PCDH11X: variants seen among roughly 807,000 people sequenced by gnomAD.
The protein encoded by PCDH11X is protocadherin 11 X-linked, also known as protocadherin-11 X-linked.
PCDH11X carries 18 observed loss-of-function variants against 53.3 expected under a neutral mutation model. The observed-to-expected ratio is 0.34, with a 90% CI of 0.23 to 0.50. The LOEUF (loss-of-function observed/expected upper bound fraction) is 0.50, where lower values mean the gene tolerates loss of function less well. PCDH11X is among the 20% of genes least tolerant of loss of function. The pLI is 0.98. For missense variants in PCDH11X, 570 were observed against 1,032.4 expected (o/e 0.55, Z 6.14); for synonymous variants, 279 against 393.3 (o/e 0.71, Z 3.44).
intron 6 of PCDH11X, among the ~76,000 whole-genome samples, chrX:91,937,965 T>C (rs1463195857): frequency 9.0e-6 from 1 of 111,413 alleles, no homozygotes; most frequent in Non-Finnish European, 1.9e-5. Flanking sequence ...ATTGAGAAAA[T>C]TATCACTAGA....
At chrX:92,278,806 G>GTTTTTTT (rs35000823) in intron 8 of PCDH11X, among the ~76,000 whole-genome samples, 1 of 47,396 alleles carries the variant, frequency 2.1e-5, no homozygotes, top group African/African-American at 9.3e-5. Flanking sequence ...TCTCTTTTCA[G>GTTTTTTT]TTTTTTTTTT....
At chrX:92,045,960 C>T (rs1183991280) in intron 6 of PCDH11X, among the ~76,000 whole-genome samples, 1 of 108,285 alleles carries the variant, frequency 9.2e-6, no homozygotes, top group Admixed American at 1.0e-4. Flanking sequence ...AGGAACAACA[C>T]TTTCAGAAGT....
intron 8 of PCDH11X, among the ~76,000 whole-genome samples, chrX:92,308,838 G>A (rs1414261333): frequency 1.8e-5 from 2 of 110,508 alleles, no homozygotes; most frequent in African/African-American, 6.6e-5. Context: ...ACTTGAATAA[G>A]TTCTCCAAAG....
At chrX:91,787,477 T>C (rs1935371116) in intron 1 of PCDH11X, among the ~76,000 whole-genome samples, 1 of 110,611 alleles carries the variant, frequency 9.0e-6, no homozygotes, top group Admixed American at 9.7e-5. Flanking sequence ...ACAAGGTCTT[T>C]TATGATTTAT....
intron 6 of PCDH11X, among the ~76,000 whole-genome samples, chrX:92,106,402 TTCTG>T (rs2064385148): frequency 8.9e-6 from 1 of 111,746 alleles, no homozygotes; most frequent in African/African-American, 3.3e-5. Context: ...TCATTGTTGT[TTCTG>T]TATGTTCTTG....
chrX:91,967,588 CA>C (rs895844465), intron 6 of PCDH11X, among the ~76,000 whole-genome samples: 2 of 109,103 alleles, frequency 1.8e-5, no homozygotes, highest in Admixed American at 2.0e-4. Flanking sequence ...TCCCTGGTGC[CA>C]AAAAGGTTGG....
intron 6 of PCDH11X, among the ~76,000 whole-genome samples, chrX:92,033,140 T>C (rs1215441206): frequency 9.0e-6 from 1 of 110,883 alleles, no homozygotes; most frequent in Non-Finnish European, 1.9e-5. Context: ...TGGATTAAGT[T>C]TGCTAGTATT....
chrX:92,329,605 G>T (rs977270807), intron 8 of PCDH11X, among the ~76,000 whole-genome samples: 8 of 111,699 alleles, frequency 7.2e-5, no homozygotes, highest in African/African-American at 2.6e-4. Context: ...AAGGGATGAA[G>T]AAAATGTGGC....
At chrX:91,938,194 C>G (rs942664423) in intron 6 of PCDH11X, among the ~76,000 whole-genome samples, 2 of 111,434 alleles carry the variant, frequency 1.8e-5, no homozygotes, top group African/African-American at 6.5e-5. Context: ...ACCAGATACA[C>G]CCTCAGAAGC....
At chrX:91,952,032 C>T (rs1047310182) in intron 6 of PCDH11X, among the ~76,000 whole-genome samples, 6 of 109,944 alleles carry the variant, frequency 5.5e-5, no homozygotes, top group African/African-American at 2.0e-4. Context: ...GAGCTGGATG[C>T]CAGAAAGAAA....
intron 8 of PCDH11X, among the ~76,000 whole-genome samples, chrX:92,331,573 T>G (rs2069491456): frequency 9.1e-6 from 1 of 109,310 alleles, no homozygotes; most frequent in African/African-American, 3.3e-5. Flanking sequence ...AAGGAAATAG[T>G]ATAGTCAATA....
chrX:92,231,867 T>C (rs1384903051), intron 7 of PCDH11X, among the ~76,000 whole-genome samples: 2 of 111,943 alleles, frequency 1.8e-5, no homozygotes, highest in African/African-American at 6.5e-5. Flanking sequence ...CAGTCCGTAG[T>C]AGCGCTCATG....
At chrX:92,500,908 C>T (rs1206456132) in intron 10 of PCDH11X, among the ~76,000 whole-genome samples, 3 of 109,705 alleles carry the variant, frequency 2.7e-5, no homozygotes, top group South Asian at 7.8e-4. Context: ...ATGTGAAAAA[C>T]ACTTTTAAAA....
Position 92,408,692 on chromosome X carries a change from C to T in PCDH11X, c.3343+20759C>T, listed in dbSNP as rs755937102. The stretch of plus-strand genomic sequence containing the variant: ...CTGCCTCTCGGGTTCACGCCATTCT[C>T]CTGCCTCAGCCTCCTCAGCAGCTGG... On this transcript the variant is annotated intron_variant, in intron 9 of 10. Transcript: ENST00000682573. 3.6e-5 allele frequency among the ~76,000 whole-genome samples: 4 copies of T among 111,076 alleles called. No homozygotes were observed. In the South Asian group the frequency reaches 1.5e-3, roughly 43 times the overall value.
intron 6 of PCDH11X, among the ~76,000 whole-genome samples, chrX:91,924,261 G>GA (rs888219440): frequency 9.1e-6 from 1 of 109,984 alleles, no homozygotes; most frequent in Non-Finnish European, 1.9e-5. Context: ...AGGCATAACA[G>GA]GAGATCATAG....
chrX:92,099,556 C>T (rs1196957452), intron 6 of PCDH11X, among the ~76,000 whole-genome samples: 1 of 111,619 alleles, frequency 9.0e-6, no homozygotes, highest in African/African-American at 3.3e-5. Context: ...TTCTTTAATT[C>T]TCTGACTCCT....
chrX:92,001,470 T>C (rs902984629), intron 6 of PCDH11X, among the ~76,000 whole-genome samples: 10 of 74,430 alleles, frequency 1.3e-4, no homozygotes, highest in Non-Finnish European at 1.8e-4. Flanking sequence ...TTTTTTTTCT[T>C]TCTTTTTTTT....
At chrX:92,120,321 G>A (rs1314086716) in intron 6 of PCDH11X, among the ~76,000 whole-genome samples, 1 of 110,393 alleles carries the variant, frequency 9.1e-6, no homozygotes, top group African/African-American at 3.3e-5. Flanking sequence ...AACCACGCCC[G>A]GCTAATTTTT....
At chrX:92,424,110 A>T (rs1354696460) in intron 9 of PCDH11X, among the ~76,000 whole-genome samples, 2 of 95,783 alleles carry the variant, frequency 2.1e-5, no homozygotes, top group Admixed American at 2.2e-4. Flanking sequence ...GATTCTATCC[A>T]TTCATAAGTG....
Sources: allele counts gnomAD v4.1 joint callset (sites outside exome capture counted in the v4.1 genomes callset), GRCh38; gene constraint gnomAD v4.1.1; transcripts MANE v1.5; gene names NCBI Gene and HGNC (gene_info 2026-07-23, HGNC 2026-07-21).